The following ANKS1A variants were observed in gnomAD, a reference collection of about 807,000 sequenced individuals.
ANKS1A encodes ankyrin repeat and SAM domain-containing protein 1A.
Under a neutral mutation model 120.3 loss-of-function variants are expected in ANKS1A, and 55 were observed. The ratio of observed to expected loss-of-function variants is 0.46; its 90% CI spans 0.37 to 0.57. The LOEUF is 0.57. ANKS1A is among the 20% of genes least tolerant of loss of function. ANKS1A has a pLI of 0.00. For missense variants in ANKS1A, 1,123 were observed against 1,480.3 expected (o/e 0.76, Z 3.96); for synonymous variants, 590 against 604.7 (o/e 0.98, Z 0.36).
chr6:35,020,730 G>A (rs547345460), intron 11 of ANKS1A, among the ~76,000 whole-genome samples: 1 of 152,328 alleles, frequency 6.6e-6, no homozygotes, highest in Admixed American at 6.5e-5. Context: ...CTTAATTGAG[G>A]TTGGCTGTGT....
chr6:35,025,324 C>T (rs1455886740), intron 11 of ANKS1A, among the ~76,000 whole-genome samples: 1 of 151,492 alleles, frequency 6.6e-6, no homozygotes, highest in Non-Finnish European at 1.5e-5. Flanking sequence ...TGTTTATATG[C>T]ATTTCCATGG....
chr6:35,041,052 G>A (rs916330601), intron 11 of ANKS1A, among the ~76,000 whole-genome samples: 2 of 152,212 alleles, frequency 1.3e-5, no homozygotes, highest in African/African-American at 4.8e-5. Flanking sequence ...TGAGAGGTTT[G>A]CGGAAAATAG....
At chr6:35,010,028 A>AT (rs1311312082) in intron 10 of ANKS1A, 2 of 205,420 alleles carry the variant, frequency 9.7e-6, no homozygotes, top group Non-Finnish European at 1.0e-5. Flanking sequence ...AAAATAAAAA[A>AT]TTTTTAAAAA....
intron 13 of ANKS1A, among the ~76,000 whole-genome samples, chr6:35,074,518 G>T (rs1777246946): frequency 6.6e-6 from 1 of 151,896 alleles, no homozygotes; most frequent in African/African-American, 2.4e-5. Flanking sequence ...GATCACTCGA[G>T]CCCAGGTCAA....
intron 1 of ANKS1A, among the ~76,000 whole-genome samples, chr6:34,895,863 C>T (rs1248974133): frequency 7.3e-6 from 1 of 136,554 alleles, no homozygotes; most frequent in Non-Finnish European, 1.5e-5. Context: ...GATCTCGACT[C>T]ATTGCAGCCT....
At chr6:34,912,158 G>A (rs576526608) in intron 1 of ANKS1A, among the ~76,000 whole-genome samples, 43 of 152,288 alleles carry the variant, frequency 2.8e-4, no homozygotes, top group African/African-American at 1.0e-3. Context: ...GATCATTGTT[G>A]TACTGCATGA....
Position 34,981,728 on chromosome 6 carries a change from G to T in ANKS1A, c.474G>T (p.Gln158His). The T allele has an allele frequency of 6.2e-7, 1 of 1,614,208 alleles. No homozygotes were observed. The highest frequency in any genetic ancestry group is 8.5e-7 in the Non-Finnish European group (1 of 1,180,040). Residue 158 changes from glutamine (Q) to histidine (H), a missense_variant, in exon 4 of 24, where the codon CAG becomes CAT. Coordinates refer to ENST00000360359, the MANE Select transcript of ANKS1A (RefSeq NM_015245.3). ...AGACAGCCCTGCATTGTGCAGCGCA[G>T]TATGGCCACACAGAGGTGGTGAAGG... Reference protein sequence around the residue: ...DNETALHCAAQYGHTEVVKVL... With the variant: ...DNETALHCAAHYGHTEVVKVL...
chr6:35,083,039 G>C, intron 18 of ANKS1A, 116 bp from the exon 19 acceptor site: 2 of 1,360,228 alleles, frequency 1.5e-6, no homozygotes, highest in East Asian at 2.4e-5. Flanking sequence ...GCAGGAGAGG[G>C]GGTGTTGTTA....
chr6:35,020,482 A>C (rs972302831), intron 11 of ANKS1A, among the ~76,000 whole-genome samples: 1 of 152,184 alleles, frequency 6.6e-6, no homozygotes, highest in Non-Finnish European at 1.5e-5. Flanking sequence ...TGGATATGCT[A>C]TCAAGGCAGT....
At position 35,017,289 on chromosome 6, in the gene ANKS1A, A is replaced by G. The variant is rs116895567; in HGVS notation, c.1424-184A>G. Among the ~76,000 whole-genome samples, 13 of 152,296 alleles carry G rather than the reference A, an allele frequency of 8.5e-5. No homozygotes were observed. The East Asian group carries it at 2.1e-3, about 25-fold the overall frequency. ...TTTGGGTACAAATTGAACATTAAGA[A>G]CAATATGAAAACTGTCTTCCTTCCT... On this transcript the variant is annotated intron_variant, in intron 10 of 23. Transcript: ENST00000360359.
At chr6:34,948,165 T>A (rs981414506) in intron 1 of ANKS1A, among the ~76,000 whole-genome samples, 2 of 151,686 alleles carry the variant, frequency 1.3e-5, no homozygotes, top group Non-Finnish European at 2.9e-5. Flanking sequence ...TTTTTTTTTT[T>A]AATGTTCCAA....
chr6:34,941,374 A>G (rs1048161226), intron 1 of ANKS1A, among the ~76,000 whole-genome samples: 16 of 151,912 alleles, frequency 1.1e-4, no homozygotes, highest in African/African-American at 3.9e-4. Context: ...ATAATCCACA[A>G]CTTGGCTTTT....
intron 13 of ANKS1A, among the ~76,000 whole-genome samples, chr6:35,066,289 G>A (rs543496314): frequency 6.6e-6 from 1 of 152,180 alleles, no homozygotes; most frequent in Admixed American, 6.5e-5. Context: ...GGCTGCAGAG[G>A]TTGGTTTTGT....
intron 11 of ANKS1A, among the ~76,000 whole-genome samples, chr6:35,033,719 T>C (rs1775018430): frequency 1.3e-5 from 2 of 152,310 alleles, no homozygotes; most frequent in South Asian, 4.1e-4. Context: ...CAATGTAAAA[T>C]CTGCCAGGCC....
chr6:35,025,557 C>T (rs961601918), intron 11 of ANKS1A, among the ~76,000 whole-genome samples: 7 of 152,182 alleles, frequency 4.6e-5, no homozygotes, highest in Admixed American at 6.5e-5. Flanking sequence ...CACTTCCCAC[C>T]GATGCATTTC....
chr6:34,904,747 A>T (rs978005673), intron 1 of ANKS1A, among the ~76,000 whole-genome samples: 1 of 152,034 alleles, frequency 6.6e-6, no homozygotes, highest in Non-Finnish European at 1.5e-5. Flanking sequence ...AAAAAACAAA[A>T]TGTTTTGCAC....
At chr6:34,956,616 T>C (rs1770378480) in intron 1 of ANKS1A, among the ~76,000 whole-genome samples, 1 of 152,172 alleles carries the variant, frequency 6.6e-6, no homozygotes, top group African/African-American at 2.4e-5. Context: ...ATTTATTTTC[T>C]CCAAGAAAGA....
chr6:34,899,829 G>A (rs7739991), intron 1 of ANKS1A, among the ~76,000 whole-genome samples: 46,378 of 152,140 alleles, frequency 0.3, 9,867 homozygotes, highest in African/African-American at 0.58. Flanking sequence ...CTGTGCATTG[G>A]CTTTTGTCCT....
chr6:34,898,052 A>G (rs140920507), intron 1 of ANKS1A, among the ~76,000 whole-genome samples: 1 of 152,308 alleles, frequency 6.6e-6, no homozygotes, highest in East Asian at 1.9e-4. Context: ...TAAATGAGCT[A>G]AAGGATGTAA....
Sources: allele counts gnomAD v4.1 joint callset (sites outside exome capture counted in the v4.1 genomes callset), GRCh38; gene constraint gnomAD v4.1.1; transcripts MANE v1.5; gene names NCBI Gene and HGNC (gene_info 2026-07-23, HGNC 2026-07-21).